Variants in ANO6 observed in about 807,000 individuals in gnomAD.
ANO6 encodes anoctamin 6, also known as anoctamin-6.
Under a neutral mutation model 117.5 loss-of-function variants are expected in ANO6, and 106 were observed. The observed-to-expected ratio is 0.90, with a 90% CI of 0.77 to 1.06. ANO6 has a LOEUF of 1.06. Ranked by LOEUF, ANO6 falls within the 50% of genes least tolerant of loss-of-function variation. ANO6 has a pLI of 0.00. For synonymous variants in ANO6, 367 were observed against 385.1 expected (o/e 0.95, Z 0.55); for missense variants, 955 against 1,121.1 (o/e 0.85, Z 2.12).
chr12:45,359,549 A>C (rs374408208), intron 8 of ANO6, among the ~76,000 whole-genome samples: 13 of 152,306 alleles, frequency 8.5e-5, no homozygotes, highest in East Asian at 5.8e-4. Context: ...ATACATTATA[A>C]AGCCTTTTGT....
In ANO6 at chr12:45,216,242, C is replaced by G. The variant is rs1434343413; in HGVS notation, c.-80C>G. On this transcript the variant is annotated 5_prime_UTR_variant, in exon 1 of 20. Coordinates refer to ENST00000320560, the MANE Select transcript of ANO6 (RefSeq NM_001025356.3). ...ACACGCCCCGCGGTCCCCGATCCGG[C>G]CCCTGGGAGAGCCGCGCCGTTCTGG... 1 of 1,494,036 alleles carries G rather than the reference C, an allele frequency of 6.7e-7. No individual in the cohort carries two copies. Among genetic ancestry groups the G allele is most frequent in the East Asian group, 2.5e-5 (1 of 40,656 alleles). The allele number at this position is 1,494,036 out of a possible 1,614,324, so 92.5% of individuals were successfully genotyped here.
chr12:45,241,154 T>C (rs1489575010), intron 1 of ANO6, among the ~76,000 whole-genome samples: 4 of 152,238 alleles, frequency 2.6e-5, no homozygotes, highest in Non-Finnish European at 5.9e-5. Context: ...TTTTCCAATT[T>C]AGTTCCATTC....
chr12:45,382,499 G>A lies in ANO6; in HGVS notation c.1165+4386G>A, dbSNP rs552161273. 5.9e-5 allele frequency among the ~76,000 whole-genome samples: 9 copies of A among 152,258 alleles called. No individual in the cohort carries two copies. In the South Asian group the frequency reaches 1.5e-3, roughly 25 times the overall value. ...TAATTCCTTCAGCATGTTGACCCTG[G>A]ACTCCTCCCCACAGTCAAGGTGCTA... On this transcript the variant is annotated intron_variant, in intron 10 of 19. Coordinates refer to ENST00000320560, the MANE Select transcript of ANO6 (RefSeq NM_001025356.3).
At chr12:45,420,263 GA>G (rs1320416461) in intron 17 of ANO6, among the ~76,000 whole-genome samples, 3 of 152,108 alleles carry the variant, frequency 2.0e-5, no homozygotes, top group African/African-American at 7.2e-5. Flanking sequence ...CTGTGTTTAT[GA>G]AAAGAGCTAA....
intron 1 of ANO6, among the ~76,000 whole-genome samples, chr12:45,225,393 GAGA>G (rs1222677777): frequency 4.6e-5 from 7 of 152,082 alleles, no homozygotes; most frequent in Admixed American, 3.9e-4. Flanking sequence ...TTGAAGCGGG[GAGA>G]AGATTTCTTA....
intron 12 of ANO6, among the ~76,000 whole-genome samples, chr12:45,392,540 C>A (rs956194173): frequency 6.6e-6 from 1 of 152,238 alleles, no homozygotes; most frequent in African/African-American, 2.4e-5. Context: ...GGACAGACTG[C>A]CTCCTCAAAT....
At chr12:45,343,969 C>T (rs1274121615) in intron 3 of ANO6, among the ~76,000 whole-genome samples, 1 of 152,132 alleles carries the variant, frequency 6.6e-6, no homozygotes, top group Non-Finnish European at 1.5e-5. Flanking sequence ...TTGGCGGGGC[C>T]TAGCTCGAGT....
At chr12:45,327,615 A>G (rs1320337448) in intron 2 of ANO6, among the ~76,000 whole-genome samples, 4 of 152,190 alleles carry the variant, frequency 2.6e-5, no homozygotes, top group Admixed American at 2.6e-4. Context: ...AAGTGTCTAT[A>G]ATAGATGTTT....
At chr12:45,257,627 C>G (rs533614671) in intron 1 of ANO6, among the ~76,000 whole-genome samples, 22 of 152,322 alleles carry the variant, frequency 1.4e-4, no homozygotes, top group African/African-American at 5.3e-4. Context: ...TGAGGCAGTT[C>G]CCTGCCCTCC....
chr12:45,238,969 C>T (rs1452861196), intron 1 of ANO6, among the ~76,000 whole-genome samples: 3 of 152,142 alleles, frequency 2.0e-5, no homozygotes, highest in Admixed American at 6.5e-5. Flanking sequence ...ATTTCTGTAT[C>T]GATGTTCATC....
chr12:45,377,441 A>G (rs1443380132), intron 9 of ANO6, among the ~76,000 whole-genome samples: 17 of 152,170 alleles, frequency 1.1e-4, no homozygotes, highest in Non-Finnish European at 1.5e-5. Context: ...TATTCATTGT[A>G]ATGTTAGCAA....
At chr12:45,391,033 G>A (rs1460457288) in intron 12 of ANO6, among the ~76,000 whole-genome samples, 1 of 151,932 alleles carries the variant, frequency 6.6e-6, no homozygotes, top group Non-Finnish European at 1.5e-5. Context: ...AGGCACGAGA[G>A]TCACTTGAAC....
intron 2 of ANO6, among the ~76,000 whole-genome samples, chr12:45,329,867 CTG>C (rs1460540526): frequency 4.6e-5 from 7 of 152,064 alleles, no homozygotes; most frequent in African/African-American, 1.4e-4. Flanking sequence ...CTAAAGGACT[CTG>C]TGGCTGAAAT....
intron 1 of ANO6, among the ~76,000 whole-genome samples, chr12:45,279,252 T>G (rs1400614390): frequency 6.6e-6 from 1 of 152,222 alleles, no homozygotes; most frequent in Non-Finnish European, 1.5e-5. Flanking sequence ...CAGAGGAGCC[T>G]GTGCTGCCAG....
At chr12:45,240,644 A>G (rs1409506225) in intron 1 of ANO6, among the ~76,000 whole-genome samples, 2 of 151,858 alleles carry the variant, frequency 1.3e-5, no homozygotes, top group Non-Finnish European at 2.9e-5. Flanking sequence ...TCTTCATAGC[A>G]TTGATGGTCT....
At chr12:45,311,262 A>C (rs1189295724) in intron 2 of ANO6, among the ~76,000 whole-genome samples, 1 of 152,090 alleles carries the variant, frequency 6.6e-6, no homozygotes, top group Non-Finnish European at 1.5e-5. Context: ...CTAATTCATA[A>C]ATATCAGCTG....
chr12:45,218,390 C>CT (rs76855973), intron 1 of ANO6, among the ~76,000 whole-genome samples: 7,515 of 109,972 alleles, frequency 0.068, 477 homozygotes, highest in African/African-American at 0.12. Flanking sequence ...CTTTCTTTCT[C>CT]TTTTTTTTTT....
At chr12:45,231,760 A>G (rs1365793158) in intron 1 of ANO6, among the ~76,000 whole-genome samples, 1 of 152,190 alleles carries the variant, frequency 6.6e-6, no homozygotes, top group Non-Finnish European at 1.5e-5. Context: ...GGCATATCAC[A>G]GCCTACAAAT....
At chr12:45,238,442 T>C (rs910362318) in intron 1 of ANO6, among the ~76,000 whole-genome samples, 2 of 152,058 alleles carry the variant, frequency 1.3e-5, no homozygotes, top group African/African-American at 4.8e-5. Flanking sequence ...GGAGCCACTG[T>C]GCTTGGCTGA....
Sources: gnomAD v4.1 joint callset for allele counts (sites outside exome capture counted in the v4.1 genomes callset) on GRCh38, gnomAD v4.1.1 for gene constraint, MANE v1.5 for transcripts, NCBI Gene and HGNC (gene_info 2026-07-23, HGNC 2026-07-21) for gene names.